The following RANBP9 variants were observed in gnomAD, a reference collection of about 807,000 sequenced individuals.
The protein encoded by RANBP9 is RAN binding protein 9, also known as ran-binding protein 9.
In RANBP9, 15 loss-of-function variants were observed where a neutral mutation model predicts 84.3. That is an observed-to-expected ratio of 0.18 (90% CI 0.12 to 0.27). RANBP9 has a LOEUF of 0.27. Ranked by LOEUF, RANBP9 falls within the 10% of genes least tolerant of loss-of-function variation. The pLI, the probability that RANBP9 is intolerant of heterozygous loss-of-function variation, is 1.00. For synonymous variants in RANBP9, 392 were observed against 349.6 expected, an observed-to-expected ratio of 1.12 and a Z score of -1.35; for missense variants, 809 against 912.8, an observed-to-expected ratio of 0.89 and a Z score of 1.46.
At chr6:13,706,583 T>C (rs953648650) in intron 1 of RANBP9, among the ~76,000 whole-genome samples, 12 of 148,878 alleles carry the variant, frequency 8.1e-5, no homozygotes, top group Admixed American at 2.7e-4. Flanking sequence ...TTCTCAGCTA[T>C]TCAGGAGGCT....
chr6:13,680,063 A>G (rs940137092), intron 2 of RANBP9, among the ~76,000 whole-genome samples: 2 of 152,182 alleles, frequency 1.3e-5, no homozygotes, highest in Non-Finnish European at 2.9e-5. Flanking sequence ...GAAATTTTTA[A>G]AATAACGAAG....
chr6:13,694,927 A>G (rs1766407624), intron 2 of RANBP9, among the ~76,000 whole-genome samples: 1 of 152,218 alleles, frequency 6.6e-6, no homozygotes, highest in South Asian at 2.1e-4. Flanking sequence ...AGATAAGGGG[A>G]GTCTCCCATA....
At chr6:13,630,124 T>A (rs556190943) in intron 12 of RANBP9, among the ~76,000 whole-genome samples, 1 of 152,300 alleles carries the variant, frequency 6.6e-6, no homozygotes, top group South Asian at 2.1e-4. Flanking sequence ...CTTTGGCTAC[T>A]TATATATAAG....
chr6:13,692,543 A>AAC (rs1766349989), intron 2 of RANBP9, among the ~76,000 whole-genome samples: 1 of 147,602 alleles, frequency 6.8e-6, no homozygotes, highest in Non-Finnish European at 1.5e-5. Context: ...AAAAAAAAAA[A>AAC]AAAAAAAAAA....
At chr6:13,648,721 A>C (rs1765228195) in intron 5 of RANBP9, among the ~76,000 whole-genome samples, 1 of 152,236 alleles carries the variant, frequency 6.6e-6, no homozygotes, top group Admixed American at 6.5e-5. Flanking sequence ...TTTAATAAAA[A>C]TGACTATACA....
intron 12 of RANBP9, among the ~76,000 whole-genome samples, chr6:13,627,659 G>A (rs1764652480): frequency 7.2e-6 from 1 of 139,448 alleles, no homozygotes; most frequent in South Asian, 2.5e-4. Context: ...AAAAAATCAC[G>A]TTATTTTTAA....
In RANBP9 at chr6:13,637,961, G is replaced by C; in HGVS notation, c.1526-6C>G. 1 of 1,586,634 alleles carries C rather than the reference G, an allele frequency of 6.3e-7. No individual in the cohort carries two copies. The highest frequency in any genetic ancestry group is 8.5e-7 in the Non-Finnish European group (1 of 1,169,900). On this transcript the variant is annotated splice_polypyrimidine_tract_variant and splice_region_variant and intron_variant, in intron 9 of 13. Coordinates refer to ENST00000011619, the MANE Select transcript of RANBP9 (RefSeq NM_005493.3). ...ATTACTACAACTTTCAAAACCTGAA[G>C]AAAAAGATACCACGTAGAAACAGAA... is the stretch of plus-strand genomic sequence containing the variant.
intron 12 of RANBP9, among the ~76,000 whole-genome samples, chr6:13,629,430 T>C (rs1764714223): frequency 6.6e-6 from 1 of 152,214 alleles, no homozygotes. Context: ...TGAAAATACC[T>C]GAAATATGTA....
chr6:13,702,005 C>T (rs1382723279), intron 1 of RANBP9, among the ~76,000 whole-genome samples: 3 of 152,204 alleles, frequency 2.0e-5, no homozygotes, highest in East Asian at 3.8e-4. Flanking sequence ...CATTATCTTC[C>T]TCTCTAATCT....
chr6:13,640,252 T>C (rs1375126880), intron 8 of RANBP9, among the ~76,000 whole-genome samples: 1 of 152,230 alleles, frequency 6.6e-6, no homozygotes, highest in Non-Finnish European at 1.5e-5. Context: ...GGATATCTGT[T>C]GCTTAACAAG....
rs959025197 is a variant in RANBP9, at chr6:13,711,364, C to T, written c.142G>A (p.Ala48Thr). The T allele has an allele frequency of 2.9e-4, 340 of 1,158,162 alleles. 1 individual carries two copies. In the African/African-American group the frequency reaches 4.6e-3, roughly 16 times the overall value. 71.7% of individuals were successfully genotyped at this position (1,158,162 alleles called of 1,614,324 possible). Residue 48 changes from alanine to threonine, a missense_variant, in exon 1 of 14, where the codon GCC becomes ACC. Physicochemically the swap from Ala to Thr is moderately conservative, Grantham distance 58. Coordinates refer to ENST00000011619, the MANE Select transcript of RANBP9 (RefSeq NM_005493.3). The part of the protein sequence containing the change: ...PPAVSAGSSP[A>T]GSPGGGAGGE... ...CCCGCACCGCCGCCGGGCGAGCCGGCCGGAGAAGAGCCGGCGCTGACGGCC... is the reference window on the plus strand; with the variant it reads ...CCCGCACCGCCGCCGGGCGAGCCGGTCGGAGAAGAGCCGGCGCTGACGGCC...
intron 13 of RANBP9, 121 bp from the exon 14 acceptor site, chr6:13,622,613 C>T: frequency 9.2e-7 from 1 of 1,085,710 alleles, no homozygotes; most frequent in Middle Eastern, 2.3e-4. Context: ...TCTGAAATAT[C>T]AGCAAATGAA....
chr6:13,657,020 G>A, intron 4 of RANBP9, 89 bp downstream of exon 4: 6 of 1,232,372 alleles, frequency 4.9e-6, no homozygotes, highest in South Asian at 3.3e-5. Flanking sequence ...ATCTATAAAG[G>A]AGAATCACAT....
chr6:13,624,595 A>G (rs185340642), intron 13 of RANBP9, among the ~76,000 whole-genome samples: 209 of 152,374 alleles, frequency 1.4e-3, no homozygotes, highest in Non-Finnish European at 1.9e-3. Context: ...ACATTTATAT[A>G]GAAATGCACA....
Position 13,652,102 on chromosome 6 carries a change from T to C in RANBP9, c.927+557A>G, listed in dbSNP as rs566538992. ...GCAAAGGGGAGCAACTTGTACAACC[T>C]TGTGTCCTACCGTTGGTATTCCCAT... On this transcript the variant is annotated intron_variant, in intron 5 of 13. Coordinates refer to ENST00000011619, the MANE Select transcript of RANBP9 (RefSeq NM_005493.3). Among the ~76,000 whole-genome samples the C allele has an allele frequency of 1.1e-4, 17 of 152,334 alleles. No individual in the cohort carries two copies. The East Asian group carries it at 3.1e-3, about 28-fold the overall frequency.
At chr6:13,664,464 T>TTTTC (rs887935362) in intron 2 of RANBP9, among the ~76,000 whole-genome samples, 98 of 151,580 alleles carry the variant, frequency 6.5e-4, no homozygotes, top group African/African-American at 2.3e-3. Context: ...AGGCTTTTCT[T>TTTTC]TTTTTTTAAT....
chr6:13,628,498 A>T (rs998010312), intron 12 of RANBP9, among the ~76,000 whole-genome samples: 4 of 152,226 alleles, frequency 2.6e-5, no homozygotes, highest in Non-Finnish European at 5.9e-5. Flanking sequence ...CCAATAAGGA[A>T]ATAAGGTTTT....
At chr6:13,709,305 T>G (rs1758212718) in intron 1 of RANBP9, among the ~76,000 whole-genome samples, 1 of 152,228 alleles carries the variant, frequency 6.6e-6, no homozygotes, top group African/African-American at 2.4e-5. Flanking sequence ...AGGAAGAAAC[T>G]GAGGCTCAGT....
intron 2 of RANBP9, among the ~76,000 whole-genome samples, chr6:13,684,779 T>C (rs1043459288): frequency 6.6e-6 from 1 of 152,178 alleles, no homozygotes; most frequent in Admixed American, 6.5e-5. Flanking sequence ...GATTAAATGC[T>C]ATGAAGGGGA....
Sources: allele counts gnomAD v4.1 joint callset (sites outside exome capture counted in the v4.1 genomes callset), GRCh38; gene constraint gnomAD v4.1.1; transcripts MANE v1.5; gene names NCBI Gene and HGNC (gene_info 2026-07-23, HGNC 2026-07-21).